The following LOC400499 variants were observed in gnomAD, a reference collection of about 807,000 sequenced individuals.
At chr16:11,450,713 C>T in the LOC400499 span, 1 of 1,536,172 alleles carries the variant, frequency 6.5e-7, no homozygotes, top group Non-Finnish European at 8.7e-7. Flanking sequence ...AGGGTCCAGG[C>T]CTTGCCCAGC....
At chr16:11,502,818 G>C in the LOC400499 span, among the ~76,000 whole-genome samples, 1 of 149,856 alleles carries the variant, frequency 6.7e-6, no homozygotes, top group Non-Finnish European at 1.5e-5. Context: ...GTTTCACCAT[G>C]TTAGCCAGGA....
the LOC400499 span, chr16:11,459,893 C>T: frequency 1.4e-6 from 2 of 1,382,274 alleles, no homozygotes; most frequent in East Asian, 2.7e-5. Flanking sequence ...TGGCCAGGCT[C>T]ACCTCCATGA....
chr16:11,509,275 G>A, the LOC400499 span, among the ~76,000 whole-genome samples: 5 of 151,248 alleles, frequency 3.3e-5, no homozygotes, highest in African/African-American at 4.9e-5. Flanking sequence ...CTGCCACCAC[G>A]CCCGGCTAAT....
chr16:11,385,017 G>C, the LOC400499 span: 1 of 1,232,296 alleles, frequency 8.1e-7, no homozygotes, highest in African/African-American at 1.5e-5. Flanking sequence ...TGCAGCTTGA[G>C]GTCCGGACAA....
the LOC400499 span, chr16:11,402,137 G>A: frequency 2.5e-6 from 1 of 399,012 alleles, no homozygotes; most frequent in African/African-American, 2.1e-5. Context: ...CAGGGGGAGG[G>A]GCAGCGGGTG....
At chr16:11,380,835 A>G in the LOC400499 span, 1 of 152,560 alleles carries the variant, frequency 6.6e-6, no homozygotes, top group African/African-American at 2.4e-5. Flanking sequence ...ACTCAAAACA[A>G]CGAGCACTTC....
chr16:11,405,976 G>A, the LOC400499 span, among the ~76,000 whole-genome samples: 2 of 152,126 alleles, frequency 1.3e-5, no homozygotes, highest in African/African-American at 2.4e-5. Context: ...CCCTGCCCCA[G>A]GCCCTTTGCA....
the LOC400499 span, among the ~76,000 whole-genome samples, chr16:11,437,313 C>A: frequency 6.6e-6 from 1 of 152,140 alleles, no homozygotes; most frequent in Non-Finnish European, 1.5e-5. Flanking sequence ...TAACCCCAGC[C>A]CTTTGGAGAC....
chr16:11,493,207 G>A, the LOC400499 span, among the ~76,000 whole-genome samples: 1 of 152,216 alleles, frequency 6.6e-6, no homozygotes, highest in Non-Finnish European at 1.5e-5. Flanking sequence ...AACTTTTTCT[G>A]TAAAGGGACA....
the LOC400499 span, among the ~76,000 whole-genome samples, chr16:11,487,796 G>A: frequency 2.0e-5 from 3 of 152,174 alleles, no homozygotes; most frequent in African/African-American, 7.2e-5. Context: ...CCCTCAGCAA[G>A]CCACAGAATC....
At chr16:11,424,108 C>G in the LOC400499 span, 1 of 399,454 alleles carries the variant, frequency 2.5e-6, no homozygotes, top group Non-Finnish European at 4.4e-6. Context: ...TCCTCACTCA[C>G]CTGGAAGTGC....
At chr16:11,407,754 G>C in the LOC400499 span, among the ~76,000 whole-genome samples, 1 of 152,150 alleles carries the variant, frequency 6.6e-6, no homozygotes. Context: ...GTGATCTCCA[G>C]CTAGTTCCTT....
At chr16:11,381,865 G>C in the LOC400499 span, among the ~76,000 whole-genome samples, 1 of 151,822 alleles carries the variant, frequency 6.6e-6, no homozygotes. Context: ...TAGTTCTGAT[G>C]GGTCTTGGTA....
At chr16:11,403,757 G>A in the LOC400499 span, among the ~76,000 whole-genome samples, 1 of 152,218 alleles carries the variant, frequency 6.6e-6, no homozygotes, top group African/African-American at 2.4e-5. Context: ...CCCTTCCAGG[G>A]ATGCCTGTTT....
At chr16:11,420,583 T>G in the LOC400499 span, among the ~76,000 whole-genome samples, 2 of 144,120 alleles carry the variant, frequency 1.4e-5, no homozygotes, top group African/African-American at 5.5e-5. Context: ...ACCCTAAAAC[T>G]TAAATAATAA....
chr16:11,383,954 C>T, the LOC400499 span: 2 of 1,231,856 alleles, frequency 1.6e-6, no homozygotes, highest in South Asian at 4.1e-5. Flanking sequence ...GGGAGCTGTC[C>T]CGGGCAGGCC....
the LOC400499 span, among the ~76,000 whole-genome samples, chr16:11,483,085 G>A: frequency 2.6e-5 from 4 of 152,048 alleles, no homozygotes; most frequent in East Asian, 7.7e-4. Context: ...TAGTCATTAG[G>A]GAAATGCAAA....
At chr16:11,442,025 G>A in the LOC400499 span, among the ~76,000 whole-genome samples, 1 of 152,152 alleles carries the variant, frequency 6.6e-6, no homozygotes, top group African/African-American at 2.4e-5. Context: ...CACAGGCCAA[G>A]TACACAGTAG....
chr16:11,450,568 G>T, the LOC400499 span: 1 of 1,519,314 alleles, frequency 6.6e-7, no homozygotes. Flanking sequence ...GATCTCAGTG[G>T]CAGGGGACCA....
Sources: gnomAD v4.1 joint callset for allele counts (sites outside exome capture counted in the v4.1 genomes callset) on GRCh38, gnomAD v4.1.1 for gene constraint, MANE v1.5 for transcripts.